The following NT5DC3 variants were observed in gnomAD, a reference collection of about 807,000 sequenced individuals.
NT5DC3 encodes 5'-nucleotidase domain-containing protein 3.
In NT5DC3, 42 loss-of-function variants were observed where a neutral mutation model predicts 67.8. That is an observed-to-expected ratio of 0.62 (90% CI 0.48 to 0.80). The LOEUF is 0.80. NT5DC3 is among the 30% of genes least tolerant of loss of function. The pLI is 0.00. For missense variants in NT5DC3, 570 were observed against 696.4 expected, an observed-to-expected ratio of 0.82 and a Z score of 2.04; for synonymous variants, 237 against 255.6, an observed-to-expected ratio of 0.93 and a Z score of 0.69.
At chr12:103,766,252 A>G, downstream of NT5DC3, 1 of 1,613,806 alleles carries the variant, frequency 6.2e-7, no homozygotes, top group Non-Finnish European at 8.5e-7. Flanking sequence ...AACACACAGA[A>G]TGCCCTGCCC....
At chr12:103,832,740 C>T (rs886577515) in intron 1 of NT5DC3, among the ~76,000 whole-genome samples, 1 of 152,116 alleles carries the variant, frequency 6.6e-6, no homozygotes, top group Non-Finnish European at 1.5e-5. Flanking sequence ...AAAACAGTCC[C>T]CATGCTGAGT....
At chr12:103,811,401 G>A (rs990923816) in intron 2 of NT5DC3, among the ~76,000 whole-genome samples, 1 of 152,128 alleles carries the variant, frequency 6.6e-6, no homozygotes, top group Admixed American at 6.5e-5. Context: ...AGAGGAGACG[G>A]CTGGAGGAGG....
At chr12:103,834,246 TC>T (rs1888052038) in intron 1 of NT5DC3, among the ~76,000 whole-genome samples, 1 of 152,030 alleles carries the variant, frequency 6.6e-6, no homozygotes, top group Non-Finnish European at 1.5e-5. Flanking sequence ...ACCAGTTATT[TC>T]TTTTCCTAAA....
At chr12:103,780,411 G>A (rs768774424) in intron 12 of NT5DC3, 47 bp from the exon 13 acceptor site, 1 of 1,566,702 alleles carries the variant, frequency 6.4e-7, no homozygotes. Flanking sequence ...TTTCAAATAA[G>A]CTCATTACGT....
chr12:103,793,230 C>G lies in NT5DC3; in HGVS notation c.953G>C (p.Trp318Ser). 6.2e-7 allele frequency: 1 copy of G among 1,610,552 alleles called. No individual in the cohort carries two copies. Among genetic ancestry groups the G allele is most frequent in the South Asian group, 1.1e-5 (1 of 90,166 alleles). The change falls in exon 9 of 14, where the codon TGG becomes TCG. Residue 318 changes from tryptophan to serine, a missense_variant. By Grantham distance (177) the Trp-to-Ser change is radical. This residue lies in a region of NT5DC3 where 466 missense variants were observed against 608.0 expected (regional missense o/e 0.77). Transcript: ENST00000392876. ...KGMSYIVGKD[W>S]RDLFDVVIVQ... ...AATGACCACATCGAACAGGTCCCTC[C>G]AGTCTTTCCCAACGATATAACTCAT... is the stretch of plus-strand genomic sequence containing the variant.
chr12:103,749,093 C>A, the NT5DC3 span: 2 of 1,613,928 alleles, frequency 1.2e-6, no homozygotes, highest in Non-Finnish European at 1.7e-6. Flanking sequence ...CAGAGATAGA[C>A]CCCTGTGCAG....
chr12:103,824,422 A>G (rs1215918543), intron 1 of NT5DC3, among the ~76,000 whole-genome samples: 1 of 152,214 alleles, frequency 6.6e-6, no homozygotes, highest in African/African-American at 2.4e-5. Flanking sequence ...TTACCTGCCC[A>G]GCATGCTCCA....
intron 1 of NT5DC3, among the ~76,000 whole-genome samples, chr12:103,831,068 G>A (rs1309915906): frequency 1.3e-5 from 2 of 152,168 alleles, no homozygotes; most frequent in East Asian, 3.8e-4. Flanking sequence ...TCTCAGTTGG[G>A]ATTGTGATAT....
the NT5DC3 span, chr12:103,755,399 G>A: frequency 6.2e-7 from 1 of 1,614,118 alleles, no homozygotes; most frequent in South Asian, 1.1e-5. Flanking sequence ...GGTGTGGTTG[G>A]GATAGTGGAC....
intron 2 of NT5DC3, among the ~76,000 whole-genome samples, chr12:103,813,631 G>T (rs1261096944): frequency 2.0e-5 from 3 of 152,162 alleles, no homozygotes; most frequent in Non-Finnish European, 4.4e-5. Flanking sequence ...GGAGGTGATG[G>T]TCTCCTTCTA....
Position 103,777,586 on chromosome 12 carries a change from A to T in NT5DC3, c.*243T>A, listed in dbSNP as rs1885383565. 5.6e-6 allele frequency: 3 copies of T among 531,566 alleles called. No homozygotes were observed. Among genetic ancestry groups the T allele is most frequent in the Non-Finnish European group, 9.8e-6 (3 of 305,442 alleles). The allele number at this position is 531,566 out of a possible 1,614,324, so 32.9% of individuals were successfully genotyped here. A position where few individuals can be genotyped will look rare whatever the true frequency, so the allele number is the denominator to read the frequency against. ...ATGTTCCAGGACCTCAGTAAACAAAAAGGCAAAATCAGAGTTCCAATGTGA... is the reference window on the plus strand; with the variant it reads ...ATGTTCCAGGACCTCAGTAAACAAATAGGCAAAATCAGAGTTCCAATGTGA... On this transcript the variant is annotated 3_prime_UTR_variant, in exon 14 of 14. Transcript: ENST00000392876.
intron 13 of NT5DC3, among the ~76,000 whole-genome samples, chr12:103,779,039 G>T (rs1885444590): frequency 6.6e-6 from 1 of 152,192 alleles, no homozygotes; most frequent in South Asian, 2.1e-4. Context: ...AAAGGATCAA[G>T]ACCCCGTTTT....
the NT5DC3 span, chr12:103,758,240 T>C: frequency 6.2e-7 from 1 of 1,614,098 alleles, no homozygotes; most frequent in Non-Finnish European, 8.5e-7. Flanking sequence ...GACCTGTCCA[T>C]CCGCGGCACC....
downstream of NT5DC3, chr12:103,766,393 A>C: frequency 6.4e-7 from 1 of 1,556,324 alleles, no homozygotes; most frequent in South Asian, 1.2e-5. Context: ...ATCAACTGTG[A>C]ATTCTCAGCA....
Position 103,774,041 on chromosome 12 carries a change from A to C in NT5DC3, c.*3788T>G, listed in dbSNP as rs1445643628. On this transcript the variant is annotated 3_prime_UTR_variant, in exon 14 of 14. Coordinates refer to ENST00000392876, the MANE Select transcript of NT5DC3 (RefSeq NM_001031701.3). ...TGTTAGGGGGAAAGTGGGAGCTCTA[A>C]GCCAAACAACTAAAGTATTTCAAAA... 2.0e-5 allele frequency: 3 copies of C among 152,226 alleles called. No homozygotes were observed. The highest frequency in any genetic ancestry group is 2.9e-5 in the Non-Finnish European group (2 of 68,036). The allele number at this position is 152,226 out of a possible 1,614,324, so 9.4% of individuals were successfully genotyped here. A position where few individuals can be genotyped will look rare whatever the true frequency, so the allele number is the denominator to read the frequency against.
intron 5 of NT5DC3, among the ~76,000 whole-genome samples, chr12:103,798,107 T>C (rs1886400209): frequency 6.6e-6 from 1 of 152,184 alleles, no homozygotes; most frequent in Admixed American, 6.5e-5. Context: ...ATCGTCCATT[T>C]CATTTTGACA....
intron 6 of NT5DC3, 25 bp from the exon 7 acceptor site, chr12:103,794,022 A>C (rs1350954976): frequency 1.3e-6 from 2 of 1,594,022 alleles, no homozygotes; most frequent in East Asian, 2.2e-5. Context: ...ATTTTTAATC[A>C]GCGAAAATAC....
intron 1 of NT5DC3, among the ~76,000 whole-genome samples, chr12:103,824,496 G>T (rs1887611473): frequency 6.6e-6 from 1 of 152,178 alleles, no homozygotes; most frequent in African/African-American, 2.4e-5. Context: ...AGTCACAGCT[G>T]CTGGTCCAGG....
At chr12:103,750,531 G>A in the NT5DC3 span, 39 of 1,603,566 alleles carry the variant, frequency 2.4e-5, no homozygotes, top group Admixed American at 6.7e-5. Flanking sequence ...GGCATCCTGG[G>A]GTCCTAGAGA....
Sources: gnomAD v4.1 joint callset for allele counts (sites outside exome capture counted in the v4.1 genomes callset) on GRCh38, gnomAD v4.1.1 for gene constraint, gnomAD v4.1.1 regional missense constraint, MANE v1.5 for transcripts, NCBI Gene and HGNC (gene_info 2026-07-23, HGNC 2026-07-21) for gene names.